Variants in NDUFA10 observed in about 807,000 individuals in gnomAD.
NDUFA10 encodes the protein NADH:ubiquinone oxidoreductase subunit A10, also known as NADH dehydrogenase [ubiquinone] 1 alpha subcomplex subunit 10, mitochondrial.
In NDUFA10, 40 loss-of-function variants were observed where a neutral mutation model predicts 47.8. The observed-to-expected ratio is 0.84, with a 90% CI of 0.65 to 1.09. NDUFA10 has a LOEUF of 1.09. Ranked by LOEUF, NDUFA10 falls within the 50% of genes least tolerant of loss-of-function variation. The pLI, the probability that NDUFA10 is intolerant of heterozygous loss-of-function variation, is 0.00. For missense variants in NDUFA10, 413 were observed against 451.1 expected (o/e 0.92, Z 0.76); for synonymous variants, 183 against 172.2 (o/e 1.06, Z -0.49).
chr2:239,985,728 G>A (rs565806349), intron 9 of NDUFA10, among the ~76,000 whole-genome samples: 2 of 152,184 alleles, frequency 1.3e-5, no homozygotes, highest in South Asian at 4.1e-4. Context: ...TGGCCAACAT[G>A]GTGAAAACTT....
chr2:239,950,868 ACT>A (rs1423119965), intron 4 of NDUFA10, among the ~76,000 whole-genome samples: 1 of 152,170 alleles, frequency 6.6e-6, no homozygotes, highest in African/African-American at 2.4e-5. Flanking sequence ...GTTGTGTGAC[ACT>A]GTCCAACAAT....
At chr2:239,896,100 A>G (rs1197419665) in intron 4 of NDUFA10, among the ~76,000 whole-genome samples, 1 of 152,234 alleles carries the variant, frequency 6.6e-6, no homozygotes, top group Non-Finnish European at 1.5e-5. Flanking sequence ...TCAGTGGCAA[A>G]CACACACAGT....
chr2:239,954,484 C>A (rs1401971361), downstream of NDUFA10, among the ~76,000 whole-genome samples: 2 of 152,250 alleles, frequency 1.3e-5, no homozygotes, highest in African/African-American at 2.4e-5. Context: ...CCCTCAGAGA[C>A]CCCAGTGAAG....
chr2:240,017,764 C>G, intron 4 of NDUFA10: 1 of 1,459,072 alleles, frequency 6.9e-7, no homozygotes, highest in Non-Finnish European at 9.4e-7. Context: ...ACCGGCAACA[C>G]CAGGACACAC....
chr2:239,973,407 T>C, intron 9 of NDUFA10: 1 of 431,770 alleles, frequency 2.3e-6, no homozygotes. Flanking sequence ...ATTAACATAT[T>C]AAAGTTAATA....
chr2:239,921,838 G>A (rs1693990690), intron 4 of NDUFA10, among the ~76,000 whole-genome samples: 1 of 152,056 alleles, frequency 6.6e-6, no homozygotes, highest in Non-Finnish European at 1.5e-5. Context: ...ACGGGACACT[G>A]CTGGCTCTTT....
intron 6 of NDUFA10, among the ~76,000 whole-genome samples, chr2:240,009,372 G>A (rs3792085): frequency 0.77 from 117,457 of 152,172 alleles, 45,686 homozygotes; most frequent in African/African-American, 0.87. Context: ...TATGTTGAAC[G>A]CGGGAATGGC....
chr2:240,012,475 A>G (rs1355495284), intron 5 of NDUFA10: 1 of 152,214 alleles, frequency 6.6e-6, no homozygotes, highest in Non-Finnish European at 1.5e-5. Flanking sequence ...TGGATGCTCA[A>G]TCAACACTTA....
At chr2:239,995,003 G>T (rs529033233) in intron 8 of NDUFA10, among the ~76,000 whole-genome samples, 1 of 152,180 alleles carries the variant, frequency 6.6e-6, no homozygotes, top group Admixed American at 6.5e-5. Flanking sequence ...GGCCGGGTGC[G>T]GCGACTCATG....
intron 9 of NDUFA10, among the ~76,000 whole-genome samples, chr2:239,982,712 T>C (rs1045511742): frequency 1.3e-5 from 2 of 152,210 alleles, no homozygotes; most frequent in Middle Eastern, 3.2e-3. Context: ...GAAACACAAA[T>C]GATCCAAGAG....
intron 9 of NDUFA10, chr2:239,969,787 A>T (rs1695236494): frequency 2.1e-6 from 1 of 471,178 alleles, no homozygotes; most frequent in African/African-American, 2.0e-5. Flanking sequence ...TGCAATTAAC[A>T]GCATATCATA....
intron 9 of NDUFA10, among the ~76,000 whole-genome samples, chr2:239,972,889 T>C (rs1265528136): frequency 1.3e-5 from 2 of 152,220 alleles, no homozygotes; most frequent in Admixed American, 6.5e-5. Context: ...TACAATCATA[T>C]GTAACACACT....
At chr2:239,950,435 C>A (rs555737675) in intron 4 of NDUFA10, among the ~76,000 whole-genome samples, 1 of 152,332 alleles carries the variant, frequency 6.6e-6, no homozygotes, top group Non-Finnish European at 1.5e-5. Flanking sequence ...CGGGGCATGA[C>A]CTTTGGAAAT....
In NDUFA10 at chr2:239,941,738, GA is replaced by G. The variant is rs78415378; in HGVS notation, c.295-46425del. ...AGACTCTGTCTCAAAAAAAAAAAAAGAAAAAAAGGTTCAAGGAAGAAAGGAA... is the reference window on the plus strand; with the variant it reads ...AGACTCTGTCTCAAAAAAAAAAAAAGAAAAAAGGTTCAAGGAAGAAAGGAA... On this transcript the variant is annotated intron_variant, in intron 4 of 5. Transcript: ENST00000419408. Among the ~76,000 whole-genome samples the G allele has an allele frequency of 1.3e-3, 184 of 146,440 alleles. 1 individual carries two copies. Among genetic ancestry groups the G allele is most frequent in the Non-Finnish European group, 2.2e-3 (144 of 66,084 alleles).
intron 5 of NDUFA10, 44 bp downstream of exon 5, chr2:240,014,695 A>G (rs765274872): frequency 1.9e-6 from 3 of 1,613,844 alleles, no homozygotes; most frequent in South Asian, 1.1e-5. Flanking sequence ...GCTGATCTAC[A>G]TTCAAAATAG....
At chr2:239,916,453 G>C (rs772617351) in intron 4 of NDUFA10, among the ~76,000 whole-genome samples, 2 of 152,044 alleles carry the variant, frequency 1.3e-5, no homozygotes, top group Non-Finnish European at 2.9e-5. Context: ...GACACACACA[G>C]AGACACAGAG....
At chr2:240,009,705 C>T (rs1488232263) in intron 6 of NDUFA10, among the ~76,000 whole-genome samples, 1 of 152,238 alleles carries the variant, frequency 6.6e-6, no homozygotes, top group Non-Finnish European at 1.5e-5. Flanking sequence ...ACGGAGCCAT[C>T]ATCTTGTCAG....
chr2:239,965,851 C>G (rs1307297413), intron 9 of NDUFA10, among the ~76,000 whole-genome samples: 2 of 152,212 alleles, frequency 1.3e-5, no homozygotes, highest in Non-Finnish European at 2.9e-5. Flanking sequence ...CCTCTGCAAT[C>G]CCCTCTACTG....
rs182095112 is a variant in NDUFA10, at chr2:240,017,376, C to A, written c.547+1177G>T. On this transcript the variant is annotated intron_variant, in intron 4 of 9. Coordinates refer to ENST00000252711, the MANE Select transcript of NDUFA10 (RefSeq NM_004544.4). The stretch of plus-strand genomic sequence containing the variant: ...CTCCACCATCCCCACACGTCCCTCA[C>A]TCCCACTGCGCTACAGATGACAGGC... Among the ~76,000 whole-genome samples the A allele has an allele frequency of 3.3e-3, 503 of 152,318 alleles. 2 individuals carry two copies. Among genetic ancestry groups the A allele is most frequent in the Middle Eastern group, 6.8e-3 (2 of 294 alleles).
Sources: gnomAD v4.1 joint callset for allele counts (sites outside exome capture counted in the v4.1 genomes callset) on GRCh38, gnomAD v4.1.1 for gene constraint, MANE v1.5 for transcripts, NCBI Gene and HGNC (gene_info 2026-07-23, HGNC 2026-07-21) for gene names.